Variants in SLMAP observed in about 807,000 individuals in gnomAD.
SLMAP encodes the protein sarcolemma associated protein.
SLMAP carries 44 observed loss-of-function variants against 128.8 expected under a neutral mutation model. The observed-to-expected ratio is 0.34, with a 90% CI of 0.27 to 0.44. SLMAP has a LOEUF of 0.44. SLMAP is among the 20% of genes least tolerant of loss of function. The probability of loss-of-function intolerance (pLI) is 1.00; values close to 1 mark genes in which losing one functional copy is unlikely to be tolerated. For missense variants in SLMAP, 787 were observed against 985.3 expected, an observed-to-expected ratio of 0.80 and a Z score of 2.69; for synonymous variants, 327 against 348.8, an observed-to-expected ratio of 0.94 and a Z score of 0.70.
chr3:57,888,005 A>AG (rs1219666205), intron 14 of SLMAP, among the ~76,000 whole-genome samples: 1 of 152,246 alleles, frequency 6.6e-6, no homozygotes, highest in African/African-American at 2.4e-5. Context: ...ATGTGAAGGT[A>AG]GAATGCTAAC....
At chr3:57,781,695 A>G (rs998861004) in intron 2 of SLMAP, among the ~76,000 whole-genome samples, 13 of 150,320 alleles carry the variant, frequency 8.6e-5, no homozygotes, top group African/African-American at 1.2e-4. Flanking sequence ...CCATGTAACT[A>G]TACAAGCTAT....
At chr3:57,883,535 AT>A (rs377760020) in intron 14 of SLMAP, among the ~76,000 whole-genome samples, 35 of 152,348 alleles carry the variant, frequency 2.3e-4, no homozygotes, top group African/African-American at 8.4e-4. Context: ...AGTGAGTGAT[AT>A]CCTAGAAGTT....
At chr3:57,766,970 G>A (rs902490672) in intron 2 of SLMAP, among the ~76,000 whole-genome samples, 1 of 152,038 alleles carries the variant, frequency 6.6e-6, no homozygotes, top group Non-Finnish European at 1.5e-5. Context: ...CCAGGCTAGA[G>A]TGTAGTGGTG....
At chr3:57,834,679 G>C (rs1033373207) in intron 3 of SLMAP, among the ~76,000 whole-genome samples, 2 of 151,992 alleles carry the variant, frequency 1.3e-5, no homozygotes, top group Non-Finnish European at 2.9e-5. Context: ...TGTTATTTAA[G>C]TAATTCCAAA....
chr3:57,781,587 G>T (rs1400482971), intron 2 of SLMAP, among the ~76,000 whole-genome samples: 1 of 152,164 alleles, frequency 6.6e-6, no homozygotes, highest in Non-Finnish European at 1.5e-5. Context: ...AGTAGCTGCG[G>T]TTACCTGGGA....
chr3:57,823,863 A>G (rs368456065), intron 2 of SLMAP, among the ~76,000 whole-genome samples: 46 of 152,322 alleles, frequency 3.0e-4, no homozygotes, highest in African/African-American at 1.1e-3. Context: ...CTATTTCTCC[A>G]CATCCTCTCC....
chr3:57,905,396 C>T (rs991691735), intron 17 of SLMAP, among the ~76,000 whole-genome samples: 10 of 152,086 alleles, frequency 6.6e-5, no homozygotes, highest in Non-Finnish European at 1.5e-4. Context: ...ATTCTCCTGC[C>T]TCAGCCTCCC....
At chr3:57,833,821 G>A (rs2153552143) in intron 3 of SLMAP, among the ~76,000 whole-genome samples, 1 of 151,982 alleles carries the variant, frequency 6.6e-6, no homozygotes, top group Admixed American at 6.6e-5. Flanking sequence ...CATTTAAAAT[G>A]TTGTTTCTTT....
At chr3:57,829,689 C>G (rs1355891779) in intron 2 of SLMAP, among the ~76,000 whole-genome samples, 1 of 152,140 alleles carries the variant, frequency 6.6e-6, no homozygotes, top group Non-Finnish European at 1.5e-5. Flanking sequence ...AACAGTTGGT[C>G]TATTTTGAAT....
intron 15 of SLMAP, among the ~76,000 whole-genome samples, chr3:57,894,886 G>A (rs186105494): frequency 2.6e-5 from 4 of 152,308 alleles, no homozygotes; most frequent in South Asian, 2.1e-4. Flanking sequence ...ACCAGATTAC[G>A]GCTAAATTCT....
rs145200389 is a variant in SLMAP, at chr3:57,896,752, A to G, written c.1442-121A>G. 5.8e-5 allele frequency: 79 copies of G among 1,371,962 alleles called. No individual in the cohort carries two copies. The African/African-American group carries it at 1.1e-3, about 18-fold the overall frequency. The allele number at this position is 1,371,962 out of a possible 1,614,324, so 85.0% of individuals were successfully genotyped here. A position where few individuals can be genotyped will look rare whatever the true frequency, so the allele number is the denominator to read the frequency against. ...GAATGCTGGATATTTTGTTAAAACTACTTTCAACTACCCGAATATAATAGC... is the reference window on the plus strand; with the variant it reads ...GAATGCTGGATATTTTGTTAAAACTGCTTTCAACTACCCGAATATAATAGC... On this transcript the variant is annotated intron_variant, in intron 16 of 24. Transcript: ENST00000671191.
At chr3:57,851,477 G>A (rs1228736003) in intron 6 of SLMAP, among the ~76,000 whole-genome samples, 1 of 133,592 alleles carries the variant, frequency 7.5e-6, no homozygotes, top group East Asian at 2.2e-4. Context: ...TTTTGTTTTT[G>A]TTTTTTTTTT....
At chr3:57,864,929 A>G in intron 12 of SLMAP, 72 bp downstream of exon 12, 3 of 1,162,034 alleles carry the variant, frequency 2.6e-6, no homozygotes, top group Non-Finnish European at 3.7e-6. Context: ...TTACTGTCTC[A>G]CACTGCATTT....
chr3:57,890,276 G>T, intron 15 of SLMAP, 176 bp downstream of exon 15: 1 of 515,900 alleles, frequency 1.9e-6, no homozygotes, highest in Non-Finnish European at 3.4e-6. Context: ...TTTTAAGAAG[G>T]GTATCGTAAC....
In SLMAP at chr3:57,871,699, G is replaced by C; in HGVS notation, c.1300+1G>C. On this transcript the variant is annotated splice_donor_variant, in intron 14 of 24. Coordinates refer to ENST00000671191, the MANE Select transcript of SLMAP (RefSeq NM_001377540.1). LOFTEE classifies it high-confidence loss of function. ...ATTCATCAATTCATAGAATGCCAGAGTGAGTACAGAGTATTTTTCACATTG... is the reference window on the plus strand; with the variant it reads ...ATTCATCAATTCATAGAATGCCAGACTGAGTACAGAGTATTTTTCACATTG... The C allele has an allele frequency of 6.2e-7, 1 of 1,607,366 alleles. No homozygotes were observed. Among genetic ancestry groups the C allele is most frequent in the African/African-American group, 1.3e-5 (1 of 74,916 alleles).
chr3:57,859,563 C>G (rs958191655), intron 8 of SLMAP, among the ~76,000 whole-genome samples: 1 of 151,668 alleles, frequency 6.6e-6, no homozygotes, highest in South Asian at 2.1e-4. Context: ...TCTAAAAAAA[C>G]GAAAAAAGGA....
intron 2 of SLMAP, among the ~76,000 whole-genome samples, chr3:57,803,241 T>G (rs1367318695): frequency 2.0e-5 from 3 of 152,052 alleles, no homozygotes; most frequent in Non-Finnish European, 1.5e-5. Context: ...TACTCATGTT[T>G]CCAGTATTAA....
At chr3:57,922,416 A>C (rs188354628) in intron 22 of SLMAP, among the ~76,000 whole-genome samples, 1 of 150,656 alleles carries the variant, frequency 6.6e-6, no homozygotes, top group East Asian at 2.0e-4. Flanking sequence ...GTCAACATTA[A>C]AGGCTTTTCT....
intron 3 of SLMAP, among the ~76,000 whole-genome samples, chr3:57,838,204 T>G (rs2093731698): frequency 6.6e-6 from 1 of 152,236 alleles, no homozygotes; most frequent in Non-Finnish European, 1.5e-5. Flanking sequence ...TAGGTATTGC[T>G]GGATCTTCAT....
Sources: allele counts gnomAD v4.1 joint callset (sites outside exome capture counted in the v4.1 genomes callset), GRCh38; gene constraint gnomAD v4.1.1; transcripts MANE v1.5; gene names NCBI Gene and HGNC (gene_info 2026-07-23, HGNC 2026-07-21).